LRP1B: variants seen among roughly 807,000 people sequenced by gnomAD.
LRP1B encodes LDL receptor related protein 1B.
A neutral mutation model predicts 556.6 loss-of-function variants in LRP1B; 217 were observed. The ratio of observed to expected loss-of-function variants is 0.39; its 90% CI spans 0.35 to 0.44. The LOEUF is 0.44. LRP1B is among the 20% of genes least tolerant of loss of function. The pLI is 1.00. For synonymous variants in LRP1B, 2,047 were observed against 1,865.8 expected (o/e 1.10, Z -2.50); for missense variants, 5,053 against 5,620.8 (o/e 0.90, Z 3.23).
chr2:140,451,789 A>C (rs1298754651), intron 62 of LRP1B, among the ~76,000 whole-genome samples: 1 of 151,936 alleles, frequency 6.6e-6, no homozygotes, highest in Non-Finnish European at 1.5e-5. Flanking sequence ...TGGCTGACTT[A>C]TAAAAAATGA....
intron 3 of LRP1B, among the ~76,000 whole-genome samples, chr2:141,307,342 C>G (rs1452829789): frequency 6.6e-6 from 1 of 151,784 alleles, no homozygotes; most frequent in Admixed American, 6.6e-5. Flanking sequence ...CTGAATTGAT[C>G]CATTTATCAT....
At chr2:140,808,219 G>GTAAA (rs368382852) in intron 32 of LRP1B, among the ~76,000 whole-genome samples, 68,608 of 151,800 alleles carry the variant, frequency 0.45, 16,709 homozygotes, top group East Asian at 0.58. Context: ...TCATTGCACT[G>GTAAA]TCACTGGAGA....
At chr2:141,993,697 C>A (rs1197124631) in intron 1 of LRP1B, among the ~76,000 whole-genome samples, 3 of 152,160 alleles carry the variant, frequency 2.0e-5, no homozygotes, top group Non-Finnish European at 4.4e-5. Context: ...TAAAGTTACA[C>A]ACTAAATGTC....
At chr2:140,675,893 C>T (rs754126118) in intron 41 of LRP1B, among the ~76,000 whole-genome samples, 9 of 151,908 alleles carry the variant, frequency 5.9e-5, no homozygotes, top group South Asian at 2.1e-4. Context: ...AACATGAGGC[C>T]GTATTCTGCT....
rs1176601183 is a variant in LRP1B, at chr2:142,081,806, TAG to T, written c.82+48840_82+48841del. On this transcript the variant is annotated intron_variant, in intron 1 of 90. Transcript: ENST00000389484. ...TTTTATTTGATTTGGCATATTTGTATAGAGTTTCTTGTAAGCATGGGGTTTTT... is the reference window on the plus strand; with the variant it reads ...TTTTATTTGATTTGGCATATTTGTATAGTTTCTTGTAAGCATGGGGTTTTT... 2.0e-5 allele frequency among the ~76,000 whole-genome samples: 3 copies of T among 152,300 alleles called. No individual in the cohort carries two copies. The East Asian group carries it at 5.8e-4, about 29-fold the overall frequency.
chr2:141,465,031 G>A (rs541796464), intron 3 of LRP1B, among the ~76,000 whole-genome samples: 36 of 152,278 alleles, frequency 2.4e-4, no homozygotes, highest in Middle Eastern at 3.4e-3. Context: ...TTTACCATCA[G>A]AAGGAGAATA....
chr2:141,441,623 C>A (rs1397519205), intron 3 of LRP1B, among the ~76,000 whole-genome samples: 1 of 152,132 alleles, frequency 6.6e-6, no homozygotes, highest in African/African-American at 2.4e-5. Context: ...AAACAAATAA[C>A]TAATCATGCC....
chr2:141,625,697 T>C (rs1426338335), intron 2 of LRP1B, among the ~76,000 whole-genome samples: 2 of 152,174 alleles, frequency 1.3e-5, no homozygotes, highest in Admixed American at 6.5e-5. Context: ...TGTTAGATAT[T>C]TTAAACTTGT....
At chr2:140,299,267 T>C (rs556067719) in intron 83 of LRP1B, among the ~76,000 whole-genome samples, 2 of 152,248 alleles carry the variant, frequency 1.3e-5, no homozygotes, top group African/African-American at 4.8e-5. Context: ...AAAATTCATA[T>C]ACATTTTTAA....
At chr2:141,190,223 T>C (rs1681447870) in intron 6 of LRP1B, among the ~76,000 whole-genome samples, 1 of 151,976 alleles carries the variant, frequency 6.6e-6, no homozygotes, top group Non-Finnish European at 1.5e-5. Context: ...AGCCATCTGG[T>C]CTTTTTTGGA....
intron 7 of LRP1B, among the ~76,000 whole-genome samples, chr2:141,144,846 C>CT (rs1427988282): frequency 6.6e-6 from 1 of 152,148 alleles, no homozygotes; most frequent in Non-Finnish European, 1.5e-5. Flanking sequence ...ATAATTACAT[C>CT]TTCATTGTAG....
intron 66 of LRP1B, among the ~76,000 whole-genome samples, chr2:140,405,536 C>G (rs1684692930): frequency 6.6e-6 from 1 of 151,788 alleles, no homozygotes; most frequent in East Asian, 1.9e-4. Flanking sequence ...ACATTACAAC[C>G]AACACGAATA....
intron 84 of LRP1B, among the ~76,000 whole-genome samples, chr2:140,283,474 A>G (rs1035771097): frequency 1.3e-5 from 2 of 151,822 alleles, no homozygotes; most frequent in Non-Finnish European, 2.9e-5. Context: ...ACCACTTTCT[A>G]TTATACTAAT....
At chr2:140,576,883 T>C (rs925394323) in intron 43 of LRP1B, among the ~76,000 whole-genome samples, 1 of 152,212 alleles carries the variant, frequency 6.6e-6, no homozygotes, top group Non-Finnish European at 1.5e-5. Context: ...CAGGCTTCCA[T>C]TAATGTTTGT....
chr2:141,025,030 G>A (rs1327766612), intron 11 of LRP1B, among the ~76,000 whole-genome samples: 1 of 152,084 alleles, frequency 6.6e-6, no homozygotes, highest in Non-Finnish European at 1.5e-5. Flanking sequence ...GTCTTACTTT[G>A]AGACATGCAG....
At chr2:141,081,312 G>A (rs977729903) in intron 7 of LRP1B, among the ~76,000 whole-genome samples, 3 of 152,084 alleles carry the variant, frequency 2.0e-5, no homozygotes, top group African/African-American at 7.2e-5. Context: ...AGGAGTAACT[G>A]CTACACTTCA....
intron 1 of LRP1B, among the ~76,000 whole-genome samples, chr2:142,020,380 G>GCAT (rs1357405148): frequency 1.3e-5 from 2 of 152,184 alleles, no homozygotes; most frequent in African/African-American, 4.8e-5. Flanking sequence ...TGTATTCAGA[G>GCAT]CATTTGATGT....
intron 2 of LRP1B, among the ~76,000 whole-genome samples, chr2:141,546,088 C>T (rs937348339): frequency 6.6e-6 from 1 of 152,116 alleles, no homozygotes; most frequent in Non-Finnish European, 1.5e-5. Flanking sequence ...ACTCCAGCCC[C>T]CAAACCTAGG....
intron 41 of LRP1B, among the ~76,000 whole-genome samples, chr2:140,626,952 A>G (rs567436616): frequency 7.1e-4 from 108 of 152,316 alleles, no homozygotes; most frequent in African/African-American, 2.4e-3. Context: ...AGGAAACAAA[A>G]TAGAACTAGA....
Sources: gnomAD v4.1 joint callset for allele counts (sites outside exome capture counted in the v4.1 genomes callset) on GRCh38, gnomAD v4.1.1 for gene constraint, MANE v1.5 for transcripts, NCBI Gene and HGNC (gene_info 2026-07-23, HGNC 2026-07-21) for gene names.